Variants in ANO5 observed in about 807,000 individuals in gnomAD.
ANO5 encodes the protein anoctamin-5.
Under a neutral mutation model 121.0 loss-of-function variants are expected in ANO5, and 109 were observed. The ratio of observed to expected loss-of-function variants is 0.90; its 90% CI spans 0.77 to 1.06. ANO5 has a LOEUF of 1.06. ANO5 is among the 50% of genes least tolerant of loss of function. The pLI, the probability that ANO5 is intolerant of heterozygous loss-of-function variation, is 0.00. For missense variants in ANO5, 1,064 were observed against 1,078.5 expected (o/e 0.99, Z 0.19); for synonymous variants, 406 against 359.9 (o/e 1.13, Z -1.45).
intron 12 of ANO5, 85 bp downstream of exon 12, chr11:22,251,096 T>C (rs1853800822): frequency 7.7e-7 from 1 of 1,302,466 alleles, no homozygotes; most frequent in Admixed American, 1.9e-5. Context: ...AGATGAAATA[T>C]CTTACATACC....
intron 3 of ANO5, among the ~76,000 whole-genome samples, chr11:22,215,813 C>T (rs1032313122): frequency 1.4e-4 from 21 of 151,864 alleles, no homozygotes; most frequent in African/African-American, 3.6e-4. Flanking sequence ...TTCCCTTTAG[C>T]GGTTTTCCTC....
At chr11:22,194,993 C>T (rs1156743324) in intron 1 of ANO5, among the ~76,000 whole-genome samples, 1 of 152,130 alleles carries the variant, frequency 6.6e-6, no homozygotes, top group Non-Finnish European at 1.5e-5. Context: ...TTATATTGAA[C>T]ATTTTAAGAA....
chr11:22,223,421 A>G (rs919209930), intron 5 of ANO5, among the ~76,000 whole-genome samples: 9 of 152,084 alleles, frequency 5.9e-5, no homozygotes, highest in Non-Finnish European at 7.4e-5. Flanking sequence ...GGGCAAGCCC[A>G]TTAGAGTGCC....
intron 7 of ANO5, 145 bp from the exon 8 acceptor site, chr11:22,236,018 C>A: frequency 1.5e-6 from 1 of 655,922 alleles, no homozygotes; most frequent in South Asian, 1.7e-5. Context: ...CACTCTACAT[C>A]TTCCTGACAA....
At chr11:22,237,723 G>A (rs184305556) in intron 8 of ANO5, among the ~76,000 whole-genome samples, 29 of 152,040 alleles carry the variant, frequency 1.9e-4, no homozygotes, top group Non-Finnish European at 3.1e-4. Context: ...AAAATGAGTC[G>A]CCATTTTCAA....
In ANO5 at chr11:22,228,275, A is replaced by G. The variant is rs188875096; in HGVS notation, c.648+689A>G. ...TTGTACCAAGTGTTCAACAAGCGTT[A>G]AGATGTTATTATCATTATTTATCTG... On this transcript the variant is annotated intron_variant, in intron 7 of 21. Coordinates refer to ENST00000324559, the MANE Select transcript of ANO5 (RefSeq NM_213599.3). 5.3e-5 allele frequency among the ~76,000 whole-genome samples: 8 copies of G among 152,216 alleles called. No homozygotes were observed. The East Asian group carries it at 1.5e-3, about 29-fold the overall frequency.
intron 3 of ANO5, among the ~76,000 whole-genome samples, chr11:22,213,742 G>A (rs1312589319): frequency 2.0e-5 from 3 of 151,662 alleles, no homozygotes; most frequent in Non-Finnish European, 2.9e-5. Flanking sequence ...ATTTGGAATT[G>A]TTTTGTGTGT....
intron 1 of ANO5, among the ~76,000 whole-genome samples, chr11:22,203,192 G>A (rs1033662446): frequency 5.3e-5 from 8 of 152,030 alleles, no homozygotes; most frequent in Admixed American, 2.6e-4. Flanking sequence ...GGAAGTTTTT[G>A]ACTTAAATAT....
At chr11:22,239,350 TCTTATA>T (rs1239538566) in intron 8 of ANO5, among the ~76,000 whole-genome samples, 2 of 152,120 alleles carry the variant, frequency 1.3e-5, no homozygotes, top group Non-Finnish European at 2.9e-5. Context: ...AAAGCCAAAG[TCTTATA>T]CTTTTACTTG....
Position 22,262,256 on chromosome 11 carries a change from T to C in ANO5, c.1758T>C (p.Pro586=). ...AFFKGKFVGY[P]GKYTYLFNEW... Reference sequence around the variant, plus strand: ...TTAAAGGGAAGTTCGTAGGCTATCCTGGAAAATACACATATTTATTTAATG... The same window carrying C: ...TTAAAGGGAAGTTCGTAGGCTATCCCGGAAAATACACATATTTATTTAATG... Residue 586 remains proline (P), a synonymous_variant, in exon 16 of 22, where the codon CCT becomes CCC. Transcript: ENST00000324559. 1.2e-6 allele frequency: 2 copies of C among 1,613,894 alleles called. No individual in the cohort carries two copies. Among genetic ancestry groups the C allele is most frequent in the Non-Finnish European group, 1.7e-6 (2 of 1,179,926 alleles).
At chr11:22,256,106 G>A (rs1341911344) in intron 13 of ANO5, among the ~76,000 whole-genome samples, 1 of 152,076 alleles carries the variant, frequency 6.6e-6, no homozygotes, top group Non-Finnish European at 1.5e-5. Flanking sequence ...ATATTAGAAT[G>A]CTTAGCTGAC....
At chr11:22,244,436 T>C (rs931428754) in intron 9 of ANO5, among the ~76,000 whole-genome samples, 1 of 152,080 alleles carries the variant, frequency 6.6e-6, no homozygotes, top group Admixed American at 6.6e-5. Flanking sequence ...TGTATATCAA[T>C]TTCTGGTGAG....
intron 12 of ANO5, among the ~76,000 whole-genome samples, chr11:22,253,974 C>A (rs1370732972): frequency 6.6e-6 from 1 of 152,090 alleles, no homozygotes; most frequent in Non-Finnish European, 1.5e-5. Flanking sequence ...AAGGTCTGTA[C>A]AACATTGTAC....
At chr11:22,242,823 G>A (rs539406631) in intron 9 of ANO5, among the ~76,000 whole-genome samples, 1 of 151,998 alleles carries the variant, frequency 6.6e-6, no homozygotes. Flanking sequence ...GGGTTTTCTA[G>A]GTGTAGAATC....
intron 3 of ANO5, among the ~76,000 whole-genome samples, chr11:22,213,800 ATTTAT>A (rs1030262697): frequency 1.7e-4 from 26 of 152,074 alleles, no homozygotes; most frequent in African/African-American, 5.3e-4. Flanking sequence ...ACTTATGGAT[ATTTAT>A]TTTATACTTT....
At chr11:22,219,552 AT>A (rs55776905) in intron 4 of ANO5, among the ~76,000 whole-genome samples, 105,024 of 151,666 alleles carry the variant, frequency 0.69, 37,879 homozygotes, top group Non-Finnish European at 0.81. Flanking sequence ...AAAGAGGACT[AT>A]TTTTTTCTTT....
In ANO5 at chr11:22,242,611, C is replaced by T. The variant is rs548376873; in HGVS notation, c.878+2927C>T. On this transcript the variant is annotated intron_variant, in intron 9 of 21. Coordinates refer to ENST00000324559, the MANE Select transcript of ANO5 (RefSeq NM_213599.3). ...TTTTCCTTGTAGAGATCTTTCACCTCCTGGATTAGCTGTATTCCTAGATAT... is the reference window on the plus strand; with the variant it reads ...TTTTCCTTGTAGAGATCTTTCACCTTCTGGATTAGCTGTATTCCTAGATAT... Among the ~76,000 whole-genome samples, 5 of 152,106 alleles carry T rather than the reference C, an allele frequency of 3.3e-5. No homozygotes were observed. The East Asian group carries it at 5.8e-4, about 18-fold the overall frequency.
chr11:22,221,021 A>C (rs1345217435), intron 4 of ANO5, 76 bp from the exon 5 acceptor site: 2 of 1,063,442 alleles, frequency 1.9e-6, no homozygotes, highest in Non-Finnish European at 2.8e-6. Context: ...ACTAAATTAT[A>C]AATAATTCCT....
At chr11:22,219,161 A>AT (rs909153122) in intron 4 of ANO5, among the ~76,000 whole-genome samples, 4 of 151,924 alleles carry the variant, frequency 2.6e-5, no homozygotes, top group Non-Finnish European at 2.9e-5. Context: ...GCTCCCAGTG[A>AT]TTTTTTTCCC....
Sources: allele counts gnomAD v4.1 joint callset (sites outside exome capture counted in the v4.1 genomes callset), GRCh38; gene constraint gnomAD v4.1.1; transcripts MANE v1.5; gene names NCBI Gene and HGNC (gene_info 2026-07-23, HGNC 2026-07-21).